Variants in FRAS1 observed in about 807,000 individuals in gnomAD.
The protein encoded by FRAS1 is Fraser extracellular matrix complex subunit 1.
FRAS1 carries 290 observed loss-of-function variants against 435.2 expected under a neutral mutation model. The ratio of observed to expected loss-of-function variants is 0.67; its 90% CI spans 0.61 to 0.73. The LOEUF (loss-of-function observed/expected upper bound fraction) is 0.73. Ranked by LOEUF, FRAS1 falls within the 30% of genes least tolerant of loss-of-function variation. The pLI, the probability that FRAS1 is intolerant of heterozygous loss-of-function variation, is 0.00. For missense variants in FRAS1, 4,860 were observed against 5,001.5 expected (o/e 0.97, Z 0.85); for synonymous variants, 1,800 against 1,851.0 (o/e 0.97, Z 0.71).
intron 14 of FRAS1, among the ~76,000 whole-genome samples, chr4:78,302,011 C>T (rs1393079133): frequency 6.6e-6 from 1 of 151,934 alleles, no homozygotes; most frequent in Non-Finnish European, 1.5e-5. Context: ...CCACTCCCCC[C>T]ACCCCACAAC....
rs1222527403 is a variant in FRAS1, at chr4:78,353,877, T to G, written c.2423-9636T>G. Among the ~76,000 whole-genome samples, 2 of 18,154 alleles carry G rather than the reference T, an allele frequency of 1.1e-4. 1 individual carries two copies. The highest frequency in any genetic ancestry group is 1.9e-4 in the Non-Finnish European group (2 of 10,308). 11.9% of individuals were successfully genotyped at this position (18,154 alleles called of 152,430 possible). ...GTCAGGGGAGGGGGGAGGGATAGCA[T>G]TGGGAGATATACCTAATGCTAGATG... On this transcript the variant is annotated intron_variant, in intron 20 of 73. Transcript: ENST00000512123.
At chr4:78,058,916 G>C (rs1202300146) in intron 1 of FRAS1, among the ~76,000 whole-genome samples, 1 of 152,224 alleles carries the variant, frequency 6.6e-6, no homozygotes, top group Non-Finnish European at 1.5e-5. Context: ...GGCGCTGTGA[G>C]CTCCCTCCTG....
rs866679680 is a variant in FRAS1 at position 78,252,871 on chromosome 4, G to A, written c.469+320G>A. Among the ~76,000 whole-genome samples the A allele has an allele frequency of 2.0e-5, 3 of 152,236 alleles. No individual in the cohort carries two copies. In the Middle Eastern group the frequency reaches 0.01, roughly 518 times the overall value. On this transcript the variant is annotated intron_variant, in intron 5 of 73. Coordinates refer to ENST00000512123, the MANE Select transcript of FRAS1 (RefSeq NM_025074.7). The stretch of plus-strand genomic sequence containing the variant: ...CTTCAAAGGGCAATAAAGATCACAA[G>A]GCAAAGGCAAAATTAGAATTACTGA...
At chr4:78,499,224 G>C (rs1720603987) in intron 60 of FRAS1, among the ~76,000 whole-genome samples, 1 of 152,122 alleles carries the variant, frequency 6.6e-6, no homozygotes, top group South Asian at 2.1e-4. Context: ...TAAGAGGAGG[G>C]GGTCCAAAGG....
At chr4:78,400,485 G>T (rs546153532) in intron 29 of FRAS1, among the ~76,000 whole-genome samples, 5 of 152,266 alleles carry the variant, frequency 3.3e-5, no homozygotes, top group Middle Eastern at 3.4e-3. Context: ...GAGAGACTTA[G>T]TCTTTCTAAA....
chr4:78,291,485 C>A (rs1727894341), intron 14 of FRAS1, among the ~76,000 whole-genome samples: 2 of 152,160 alleles, frequency 1.3e-5, no homozygotes, highest in Non-Finnish European at 1.5e-5. Flanking sequence ...TTCTAACAGG[C>A]CACACACTGA....
chr4:78,400,830 C>G lies in FRAS1; in HGVS notation c.4072C>G (p.Pro1358Ala). ...ITNRILQAEA[P>A]GASAEEIIYK... Reference sequence around the variant, plus strand: ...CAACAGAATCTTACAGGCCGAGGCTCCTGGTGCCAGTGCTGAAGAAATCAT... The same window carrying G: ...CAACAGAATCTTACAGGCCGAGGCTGCTGGTGCCAGTGCTGAAGAAATCAT... Residue 1358 changes from proline (P) to alanine (A), a missense_variant, in exon 30 of 74, where the codon CCT becomes GCT. Pro to Ala is a conservative substitution (Grantham distance 27). Coordinates refer to ENST00000512123, the MANE Select transcript of FRAS1 (RefSeq NM_025074.7). 1.2e-6 allele frequency: 2 copies of G among 1,613,700 alleles called. No homozygotes were observed. The highest frequency in any genetic ancestry group is 1.7e-6 in the Non-Finnish European group (2 of 1,179,782).
At chr4:78,175,138 C>T (rs1015907351) in intron 2 of FRAS1, among the ~76,000 whole-genome samples, 1 of 152,194 alleles carries the variant, frequency 6.6e-6, no homozygotes, top group Non-Finnish European at 1.5e-5. Flanking sequence ...CCATCAGGCT[C>T]CTGGCTTCTT....
chr4:78,334,363 CTTTTTTTT>C (rs1007481617), intron 19 of FRAS1, among the ~76,000 whole-genome samples: 48 of 92,264 alleles, frequency 5.2e-4, no homozygotes, highest in East Asian at 1.1e-3. Flanking sequence ...AACCAATTTT[CTTTTTTTT>C]TTTTTTTTTT....
chr4:78,284,587 T>C lies in FRAS1; in HGVS notation c.1399+39T>C, dbSNP rs372346414. 5.1e-5 allele frequency: 80 copies of C among 1,574,050 alleles called. No individual in the cohort carries two copies. The African/African-American group carries it at 9.8e-4, about 19-fold the overall frequency. ...TGGACAACCCAGAGGTGGTGGTGTGTGGGAGATAGACTCATCAAAGGTTGT... is the reference window on the plus strand; with the variant it reads ...TGGACAACCCAGAGGTGGTGGTGTGCGGGAGATAGACTCATCAAAGGTTGT... On this transcript the variant is annotated intron_variant, in intron 13 of 73. Coordinates refer to ENST00000512123, the MANE Select transcript of FRAS1 (RefSeq NM_025074.7).
chr4:78,395,958 T>C lies in FRAS1; in HGVS notation c.3976-4776T>C, dbSNP rs139388486. On this transcript the variant is annotated intron_variant, in intron 29 of 73. Transcript: ENST00000512123. ...TCTCTCTTGCTGTTTGCCTTTGTGATTTGATGATTTTTTTTTGTAGTGGTA... is the reference window on the plus strand; with the variant it reads ...TCTCTCTTGCTGTTTGCCTTTGTGACTTGATGATTTTTTTTTGTAGTGGTA... 1.0e-2 allele frequency among the ~76,000 whole-genome samples: 1,520 copies of C among 152,204 alleles called. 9 individuals are homozygous for C. The highest frequency in any genetic ancestry group is 0.012 in the Non-Finnish European group (847 of 67,944).
At chr4:78,431,107 T>C (rs920321157) in intron 37 of FRAS1, among the ~76,000 whole-genome samples, 1 of 152,238 alleles carries the variant, frequency 6.6e-6, no homozygotes, top group Non-Finnish European at 1.5e-5. Context: ...AATCTCTACT[T>C]TCTCAAAACC....
intron 26 of FRAS1, among the ~76,000 whole-genome samples, chr4:78,378,750 T>A (rs61048454): frequency 0.051 from 7,758 of 152,178 alleles, 698 homozygotes; most frequent in African/African-American, 0.17. Flanking sequence ...GTTATAGGAG[T>A]TCTTTATATA....
intron 14 of FRAS1, among the ~76,000 whole-genome samples, chr4:78,294,640 T>G (rs1728064058): frequency 6.6e-6 from 1 of 152,160 alleles, no homozygotes; most frequent in Non-Finnish European, 1.5e-5. Flanking sequence ...TTCCTTTGGT[T>G]CAAGTTCTGT....
chr4:78,163,142 A>G (rs1721207339), intron 2 of FRAS1, among the ~76,000 whole-genome samples: 1 of 152,228 alleles, frequency 6.6e-6, no homozygotes, highest in African/African-American at 2.4e-5. Context: ...ACAAAAGAGA[A>G]GTAAAGACAT....
In FRAS1 at chr4:78,267,406, G is replaced by T. The variant is rs1275880088; in HGVS notation, c.955G>T (p.Glu319Ter). 1 of 1,613,906 alleles carries T rather than the reference G, an allele frequency of 6.2e-7. No individual in the cohort carries two copies. The highest frequency in any genetic ancestry group is 1.7e-5 in the Admixed American group (1 of 60,016). The change falls in exon 9 of 74, where the codon GAG becomes TAG. Residue 319 changes from glutamate (E) to a stop codon, truncating the protein, a stop_gained. Coordinates refer to ENST00000512123, the MANE Select transcript of FRAS1 (RefSeq NM_025074.7). LOFTEE classifies it high-confidence loss of function. ...TGGCCAAGTGACCTGCCAGACTGGA[G>T]AGTGTGCCAAAGTGGAGTGTGCCCG... ...DHGQVTCQTGECAKVECARDE... is the reference protein window; with the variant it reads ...DHGQVTCQTG
chr4:78,379,639 G>A, intron 26 of FRAS1, 87 bp from the exon 27 acceptor site: 1 of 1,261,972 alleles, frequency 7.9e-7, no homozygotes, highest in East Asian at 2.3e-5. Context: ...TAAGGAGGTG[G>A]TCTGAAAAAA....
At chr4:78,257,360 C>T (rs935742388) in intron 6 of FRAS1, among the ~76,000 whole-genome samples, 5 of 152,038 alleles carry the variant, frequency 3.3e-5, no homozygotes, top group African/African-American at 1.2e-4. Flanking sequence ...ACTTTTGCAC[C>T]TGCCTAATAA....
intron 6 of FRAS1, 91 bp downstream of exon 6, chr4:78,255,466 A>G (rs903856188): frequency 1.5e-6 from 2 of 1,308,378 alleles, no homozygotes; most frequent in Admixed American, 5.7e-5. Flanking sequence ...CCTCAGAAGC[A>G]CTAGAAACAA....
Sources: gnomAD v4.1 joint callset for allele counts (sites outside exome capture counted in the v4.1 genomes callset) on GRCh38, gnomAD v4.1.1 for gene constraint, MANE v1.5 for transcripts, NCBI Gene and HGNC (gene_info 2026-07-23, HGNC 2026-07-21) for gene names.